GALNTL6: variants seen among roughly 807,000 people sequenced by gnomAD.
GALNTL6 encodes the protein polypeptide N-acetylgalactosaminyltransferase like 6.
Under a neutral mutation model 73.7 loss-of-function variants are expected in GALNTL6, and 46 were observed. The ratio of observed to expected loss-of-function variants is 0.62; its 90% CI spans 0.49 to 0.80. GALNTL6 has a LOEUF of 0.80. Ranked by LOEUF, GALNTL6 falls within the 30% of genes least tolerant of loss-of-function variation. The pLI is 0.00. For synonymous variants in GALNTL6, 259 were observed against 263.7 expected (o/e 0.98, Z 0.17); for missense variants, 604 against 755.0 (o/e 0.80, Z 2.34).
At chr4:171,860,164 G>C (rs1483144277) in intron 2 of GALNTL6, among the ~76,000 whole-genome samples, 1 of 152,138 alleles carries the variant, frequency 6.6e-6, no homozygotes, top group African/African-American at 2.4e-5. Flanking sequence ...AATGTGTCAA[G>C]CCCTGTTCAA....
At chr4:171,988,322 A>T (rs994444033) in intron 2 of GALNTL6, among the ~76,000 whole-genome samples, 9 of 152,124 alleles carry the variant, frequency 5.9e-5, no homozygotes, top group Non-Finnish European at 4.4e-5. Flanking sequence ...TTTTTATGAG[A>T]ATTATGCCAA....
chr4:172,669,875 T>A (rs888640311), intron 5 of GALNTL6, among the ~76,000 whole-genome samples: 3 of 152,198 alleles, frequency 2.0e-5, no homozygotes, highest in African/African-American at 7.2e-5. Flanking sequence ...TGTGACCATG[T>A]GTTCTCATCA....
intron 2 of GALNTL6, among the ~76,000 whole-genome samples, chr4:172,171,674 CAAA>C (rs557479024): frequency 7.9e-6 from 1 of 126,612 alleles, no homozygotes; most frequent in East Asian, 2.5e-4. Context: ...ATCAAAAATA[CAAA>C]AAAAAAAAAA....
At chr4:172,677,516 G>A (rs1012979185) in intron 5 of GALNTL6, among the ~76,000 whole-genome samples, 9 of 152,306 alleles carry the variant, frequency 5.9e-5, no homozygotes, top group African/African-American at 1.7e-4. Context: ...AACAGCAGAC[G>A]ATGGTTCTAG....
chr4:172,794,640 A>G (rs1055642395), intron 5 of GALNTL6, among the ~76,000 whole-genome samples: 2 of 152,144 alleles, frequency 1.3e-5, no homozygotes, highest in Non-Finnish European at 2.9e-5. Flanking sequence ...CAGGATCTTT[A>G]TCTTGTTTAT....
intron 2 of GALNTL6, among the ~76,000 whole-genome samples, chr4:171,914,957 G>T (rs1381073144): frequency 1.3e-5 from 2 of 151,724 alleles, no homozygotes; most frequent in Non-Finnish European, 2.9e-5. Context: ...TGGTATAATA[G>T]ATATCAGTTT....
At chr4:172,867,797 G>C (rs149021711) in intron 7 of GALNTL6, among the ~76,000 whole-genome samples, 1 of 152,196 alleles carries the variant, frequency 6.6e-6, no homozygotes, top group Non-Finnish European at 1.5e-5. Context: ...CAGCTATAGG[G>C]AACAGGGAAC....
intron 12 of GALNTL6, among the ~76,000 whole-genome samples, chr4:173,025,016 G>A (rs1753175815): frequency 6.6e-6 from 1 of 152,190 alleles, no homozygotes; most frequent in South Asian, 2.1e-4. Context: ...AGATATCTTG[G>A]AGAGAGAAGG....
chr4:172,658,517 G>A (rs1459474344), intron 5 of GALNTL6, among the ~76,000 whole-genome samples: 2 of 151,992 alleles, frequency 1.3e-5, no homozygotes, highest in South Asian at 2.1e-4. Context: ...TATCTTTGTG[G>A]GTACAAGGAA....
chr4:172,408,364 CT>C (rs1220416437), intron 5 of GALNTL6, among the ~76,000 whole-genome samples: 1 of 151,886 alleles, frequency 6.6e-6, no homozygotes. Flanking sequence ...ATAGTATAGA[CT>C]TTTAGAGAAT....
At chr4:171,941,761 G>A (rs1174984463) in intron 2 of GALNTL6, among the ~76,000 whole-genome samples, 1 of 151,992 alleles carries the variant, frequency 6.6e-6, no homozygotes, top group African/African-American at 2.4e-5. Context: ...GCTTCGAACT[G>A]GCAGAATTTT....
chr4:171,832,579 C>CA (rs953947773), intron 2 of GALNTL6, among the ~76,000 whole-genome samples: 28 of 149,284 alleles, frequency 1.9e-4, no homozygotes, highest in East Asian at 1.6e-3. Flanking sequence ...GAATACATTG[C>CA]AAAAAAAAGT....
chr4:172,349,817 C>T (rs944117739), intron 5 of GALNTL6, among the ~76,000 whole-genome samples: 1 of 129,446 alleles, frequency 7.7e-6, no homozygotes, highest in Admixed American at 8.7e-5. Flanking sequence ...GACTTCGTCT[C>T]AAATTAAAAA....
At chr4:172,966,578 A>G (rs1228369903) in intron 10 of GALNTL6, among the ~76,000 whole-genome samples, 1 of 152,170 alleles carries the variant, frequency 6.6e-6, no homozygotes, top group East Asian at 1.9e-4. Flanking sequence ...TATTTTTAGT[A>G]GAGACGGAGT....
At chr4:172,264,756 C>T (rs1738394995) in intron 3 of GALNTL6, among the ~76,000 whole-genome samples, 1 of 150,124 alleles carries the variant, frequency 6.7e-6, no homozygotes, top group Non-Finnish European at 1.5e-5. Context: ...TGATGTTTAT[C>T]TATCCCAGTA....
intron 12 of GALNTL6, among the ~76,000 whole-genome samples, chr4:173,022,506 C>T (rs554657557): frequency 1.3e-5 from 2 of 152,350 alleles, no homozygotes; most frequent in African/African-American, 4.8e-5. Flanking sequence ...CCATTCACAA[C>T]ACACATACAC....
At chr4:172,029,047 T>A (rs1344482118) in intron 2 of GALNTL6, among the ~76,000 whole-genome samples, 4 of 151,982 alleles carry the variant, frequency 2.6e-5, no homozygotes, top group Non-Finnish European at 5.9e-5. Flanking sequence ...AACTAGATAT[T>A]AATTGGCACA....
intron 3 of GALNTL6, among the ~76,000 whole-genome samples, chr4:172,299,521 C>G (rs545498600): frequency 0.031 from 4,648 of 152,214 alleles, 221 homozygotes; most frequent in African/African-American, 0.1. Context: ...ATAAATTTCC[C>G]TCTACACACT....
chr4:172,869,978 TCC>T (rs948938913), intron 7 of GALNTL6, among the ~76,000 whole-genome samples: 1 of 152,104 alleles, frequency 6.6e-6, no homozygotes, highest in African/African-American at 2.4e-5. Flanking sequence ...GTTTCCTAAT[TCC>T]CTTCTTCTTT....
Sources: gnomAD v4.1 joint callset for allele counts (sites outside exome capture counted in the v4.1 genomes callset) on GRCh38, gnomAD v4.1.1 for gene constraint, MANE v1.5 for transcripts, NCBI Gene and HGNC (gene_info 2026-07-23, HGNC 2026-07-21) for gene names.